Variants in OPCML observed in about 807,000 individuals in gnomAD.
OPCML encodes opioid-binding protein/cell adhesion molecule.
In OPCML, 13 loss-of-function variants were observed where a neutral mutation model predicts 37.8. The observed-to-expected ratio is 0.34, with a 90% CI of 0.22 to 0.55. The LOEUF is 0.55. Among genes scored for constraint, OPCML ranks in the 20% least tolerant of loss-of-function variants. The pLI is 0.91. For missense variants in OPCML, 341 were observed against 435.6 expected (o/e 0.78, Z 1.93); for synonymous variants, 176 against 168.8 (o/e 1.04, Z -0.33).
In OPCML at chr11:132,416,607, G is replaced by C. The variant is rs2095939473; in HGVS notation, c.*3586C>G. ...GGAATAGTCTTCTCACCCAGGTTTT[G>C]AGAACAAACTGCCCAATCTGTAAAT... is the stretch of plus-strand genomic sequence containing the variant. On this transcript the variant is annotated 3_prime_UTR_variant, in exon 8 of 8. Transcript: ENST00000524381. 1 of 152,180 alleles carries C rather than the reference G, an allele frequency of 6.6e-6. No individual in the cohort carries two copies. Among genetic ancestry groups the C allele is most frequent in the Admixed American group, 6.6e-5 (1 of 15,264 alleles). The allele number at this position is 152,180 out of a possible 1,614,324, so 9.4% of individuals were successfully genotyped here.
intron 4 of OPCML, among the ~76,000 whole-genome samples, chr11:132,486,934 T>G (rs1335380988): frequency 1.3e-5 from 2 of 152,240 alleles, no homozygotes; most frequent in Non-Finnish European, 2.9e-5. Context: ...CAAGAGCAAT[T>G]CAATGCTTAT....
chr11:133,424,888 C>T (rs1945969172), intron 1 of OPCML, among the ~76,000 whole-genome samples: 1 of 152,194 alleles, frequency 6.6e-6, no homozygotes, highest in South Asian at 2.1e-4. Flanking sequence ...ACACCATAAT[C>T]TCCCCTGGGG....
intron 4 of OPCML, among the ~76,000 whole-genome samples, chr11:132,457,389 A>G (rs2096086230): frequency 6.6e-6 from 1 of 152,164 alleles, no homozygotes; most frequent in Non-Finnish European, 1.5e-5. Flanking sequence ...CCAAACCTAC[A>G]CTGATACATT....
At chr11:132,601,023 G>C (rs1000465306) in intron 3 of OPCML, among the ~76,000 whole-genome samples, 1 of 151,720 alleles carries the variant, frequency 6.6e-6, no homozygotes, top group Admixed American at 6.6e-5. Flanking sequence ...TTTGTTTTTC[G>C]ATTGCCAATG....
chr11:132,529,207 A>G, intron 3 of OPCML, 21 bp from the exon 4 acceptor site: 1 of 1,593,788 alleles, frequency 6.3e-7, no homozygotes, highest in Non-Finnish European at 8.6e-7. Flanking sequence ...ACAGGATAGA[A>G]GAAATACCTG....
intron 1 of OPCML, among the ~76,000 whole-genome samples, chr11:133,395,402 G>A (rs1438832645): frequency 2.0e-5 from 3 of 152,098 alleles, no homozygotes; most frequent in African/African-American, 7.2e-5. Flanking sequence ...TTAACTTCAT[G>A]TGATCCCATT....
chr11:132,639,166 G>C (rs1448415516), intron 3 of OPCML, among the ~76,000 whole-genome samples: 1 of 152,220 alleles, frequency 6.6e-6, no homozygotes, highest in Non-Finnish European at 1.5e-5. Flanking sequence ...TCAGGACCCA[G>C]TACAGCTTTT....
At chr11:133,146,986 C>T (rs1949906949) in intron 1 of OPCML, among the ~76,000 whole-genome samples, 1 of 152,214 alleles carries the variant, frequency 6.6e-6, no homozygotes, top group Non-Finnish European at 1.5e-5. Context: ...CAAGCTTCCC[C>T]TCTGCAGGAG....
intron 3 of OPCML, among the ~76,000 whole-genome samples, chr11:132,582,958 A>T (rs983612558): frequency 2.0e-5 from 3 of 148,954 alleles, no homozygotes; most frequent in Admixed American, 6.9e-5. Flanking sequence ...GCATTCTCCT[A>T]CTTCAGCCTC....
chr11:132,710,706 T>A (rs1944227080), intron 2 of OPCML, among the ~76,000 whole-genome samples: 3 of 137,472 alleles, frequency 2.2e-5, no homozygotes, highest in African/African-American at 8.3e-5. Flanking sequence ...AAAAAAAAAA[T>A]TAGCCAGGTG....
rs1592072391 is a variant in OPCML at position 133,173,730 on chromosome 11, G to A, written c.62-230720C>T. On this transcript the variant is annotated intron_variant, in intron 1 of 7. Transcript: ENST00000524381. The surrounding 1 kb of genome is among the most constrained non-coding windows in gnomAD (Gnocchi z 7.8). ...TAGCTTCAATCCTGTGGCAGTTTAA[G>A]AATCTCTAAGAATGCATAAGTAAAG... is the stretch of plus-strand genomic sequence containing the variant. Among the ~76,000 whole-genome samples, 1 of 152,322 alleles carries A rather than the reference G, an allele frequency of 6.6e-6. No individual in the cohort carries two copies. The highest frequency in any genetic ancestry group is 1.9e-4 in the East Asian group (1 of 5,186).
In OPCML at chr11:133,284,559, C is replaced by A. The variant is rs905295581; in HGVS notation, c.61+247705G>T. Among the ~76,000 whole-genome samples, 2 of 152,134 alleles carry A rather than the reference C, an allele frequency of 1.3e-5. 1 individual carries two copies. Among genetic ancestry groups the A allele is most frequent in the Admixed American group, 1.3e-4 (2 of 15,274 alleles). On this transcript the variant is annotated intron_variant, in intron 1 of 7. Transcript: ENST00000524381. ...GGGCGGCAACAAATGGGAAGGGAGT[C>A]GGACTTTTACTCAAGAGAAACTGGG...
intron 1 of OPCML, chr11:133,419,346 T>TATC (rs1945834723): frequency 1.0e-6 from 1 of 985,430 alleles, no homozygotes; most frequent in East Asian, 1.1e-4. Flanking sequence ...AAGTCACTGA[T>TATC]AGTGATGTGC....
chr11:133,323,996 G>C (rs1438450973), intron 1 of OPCML, among the ~76,000 whole-genome samples: 1 of 152,192 alleles, frequency 6.6e-6, no homozygotes, highest in Non-Finnish European at 1.5e-5. Flanking sequence ...ACCCCTGTGG[G>C]GGCTTGGGAG....
intron 3 of OPCML, among the ~76,000 whole-genome samples, chr11:132,599,323 GAGA>G (rs1479908697): frequency 6.9e-6 from 1 of 145,744 alleles, no homozygotes; most frequent in Non-Finnish European, 1.5e-5. Context: ...GAAGGAGGAG[GAGA>G]AGAAGGAGGA....
chr11:133,454,202 G>A (rs751394280), intron 1 of OPCML, among the ~76,000 whole-genome samples: 3 of 152,196 alleles, frequency 2.0e-5, no homozygotes, highest in Non-Finnish European at 4.4e-5. Flanking sequence ...AATTGTCTGA[G>A]AGTTCTGAAA....
intron 1 of OPCML, among the ~76,000 whole-genome samples, chr11:132,971,447 T>A (rs2136756051): frequency 6.6e-6 from 1 of 152,318 alleles, no homozygotes; most frequent in South Asian, 2.1e-4. Context: ...ACACAGCCTT[T>A]CTTTATATCA....
intron 1 of OPCML, among the ~76,000 whole-genome samples, chr11:133,270,409 G>T (rs958837295): frequency 6.6e-6 from 1 of 152,090 alleles, no homozygotes; most frequent in African/African-American, 2.4e-5. Context: ...AAATGAGAAG[G>T]CTAGACAAAT....
chr11:132,668,710 C>A (rs1942329646), intron 2 of OPCML, among the ~76,000 whole-genome samples: 1 of 152,114 alleles, frequency 6.6e-6, no homozygotes, highest in South Asian at 2.1e-4. Context: ...TCTGTACTTC[C>A]AAATCTATAA....
Sources: allele counts gnomAD v4.1 joint callset (sites outside exome capture counted in the v4.1 genomes callset), GRCh38; gene constraint gnomAD v4.1.1; non-coding constraint Gnocchi (gnomAD v3.1); transcripts MANE v1.5; gene names NCBI Gene and HGNC (gene_info 2026-07-23, HGNC 2026-07-21).